MYO10: variants seen among roughly 807,000 people sequenced by gnomAD.
MYO10 encodes the protein unconventional myosin-X.
A neutral mutation model predicts 257.3 loss-of-function variants in MYO10; 133 were observed. The ratio of observed to expected loss-of-function variants is 0.52; its 90% confidence interval spans 0.45 to 0.60. The LOEUF (loss-of-function observed/expected upper bound fraction) is 0.60, where lower values mean the gene tolerates loss of function less well. Ranked by LOEUF, MYO10 falls within the 20% of genes least tolerant of loss-of-function variation. MYO10 has a pLI of 0.00. For missense variants in MYO10, 2,399 were observed against 2,635.7 expected, an observed-to-expected ratio of 0.91 and a Z score of 1.97; for synonymous variants, 1,104 against 1,028.6, an observed-to-expected ratio of 1.07 and a Z score of -1.40.
At chr5:16,676,749 G>A (rs1736743259) in intron 33 of MYO10, among the ~76,000 whole-genome samples, 1 of 152,180 alleles carries the variant, frequency 6.6e-6, no homozygotes, top group African/African-American at 2.4e-5. Flanking sequence ...AGTGGCTCAT[G>A]CCTGTGCATT....
intron 27 of MYO10, among the ~76,000 whole-genome samples, chr5:16,692,717 T>C (rs564884433): frequency 6.6e-6 from 1 of 152,176 alleles, no homozygotes; most frequent in African/African-American, 2.4e-5. Context: ...TGGTTTATTA[T>C]ATTCTTCCAC....
intron 1 of MYO10, among the ~76,000 whole-genome samples, chr5:16,929,647 A>C (rs1746242803): frequency 6.6e-6 from 1 of 152,186 alleles, no homozygotes; most frequent in African/African-American, 2.4e-5. Context: ...TAAATGAGTC[A>C]CTAAATGTGA....
chr5:16,699,644 T>C, intron 25 of MYO10, 71 bp from the exon 26 acceptor site: 5 of 1,594,114 alleles, frequency 3.1e-6, no homozygotes, highest in African/African-American at 1.3e-5. Context: ...ACCCAGCATG[T>C]ATCATCATTG....
intron 2 of MYO10, among the ~76,000 whole-genome samples, chr5:16,821,452 T>C (rs1367479115): frequency 1.2e-4 from 1 of 8,682 alleles, no homozygotes; most frequent in Non-Finnish European, 3.6e-4. Context: ...TCTTTTTTTT[T>C]TTTTTTTTTT....
chr5:16,877,204 A>T (rs1025713426), intron 2 of MYO10, among the ~76,000 whole-genome samples: 2 of 152,238 alleles, frequency 1.3e-5, no homozygotes, highest in Non-Finnish European at 2.9e-5. Context: ...ACTGACTAAG[A>T]CACTACGAAA....
intron 3 of MYO10, among the ~76,000 whole-genome samples, chr5:16,810,102 A>G (rs1039356483): frequency 5.9e-5 from 9 of 152,154 alleles, no homozygotes; most frequent in African/African-American, 2.2e-4. Flanking sequence ...CCTTCGGTGC[A>G]ACAGAAACCT....
chr5:16,774,891 A>C lies in MYO10; in HGVS notation c.930+4654T>G, dbSNP rs189356203. ...TTTTAATAAAATCTGACTCATGACAAATGAATTCACGCATGCGTACACAAG... is the reference window on the plus strand; with the variant it reads ...TTTTAATAAAATCTGACTCATGACACATGAATTCACGCATGCGTACACAAG... On this transcript the variant is annotated intron_variant, in intron 9 of 40. Transcript: ENST00000513610. Among the ~76,000 whole-genome samples the C allele has an allele frequency of 1.3e-3, 204 of 152,316 alleles. 1 individual carries two copies. Among genetic ancestry groups the C allele is most frequent in the Middle Eastern group, 0.01 (3 of 294 alleles).
At chr5:16,898,690 T>TGAGC (rs911415449) in intron 1 of MYO10, among the ~76,000 whole-genome samples, 8 of 151,676 alleles carry the variant, frequency 5.3e-5, no homozygotes, top group Non-Finnish European at 1.0e-4. Context: ...ATTACAGGTG[T>TGAGC]GAGCCACCAT....
chr5:16,815,473 A>T (rs973788939), intron 3 of MYO10: 39 of 696,952 alleles, frequency 5.6e-5, no homozygotes, highest in Middle Eastern at 2.3e-4. Flanking sequence ...CCTACAAGAG[A>T]CATACACCAA....
chr5:16,710,676 T>C (rs1738558338), intron 21 of MYO10: 1 of 558,902 alleles, frequency 1.8e-6, no homozygotes, highest in Non-Finnish European at 3.2e-6. Context: ...TAGGATGAGA[T>C]GTTTCAATGT....
chr5:16,819,218 A>G (rs941971092), intron 2 of MYO10, among the ~76,000 whole-genome samples: 9 of 152,156 alleles, frequency 5.9e-5, no homozygotes, highest in African/African-American at 2.2e-4. Flanking sequence ...TTGTTTGCTC[A>G]AGAACCTATC....
intron 2 of MYO10, among the ~76,000 whole-genome samples, chr5:16,837,202 T>C (rs761142038): frequency 1.3e-5 from 2 of 151,848 alleles, no homozygotes; most frequent in Admixed American, 1.3e-4. Flanking sequence ...CCCAGCTACT[T>C]GGGAGGCTGA....
intron 27 of MYO10, among the ~76,000 whole-genome samples, chr5:16,690,817 A>C (rs1030438170): frequency 6.6e-6 from 1 of 151,986 alleles, no homozygotes; most frequent in Non-Finnish European, 1.5e-5. Context: ...TCTCATCTGC[A>C]ACCCTCCCTA....
intron 1 of MYO10, among the ~76,000 whole-genome samples, chr5:16,878,416 G>C (rs928440746): frequency 6.6e-6 from 1 of 152,124 alleles, no homozygotes; most frequent in Non-Finnish European, 1.5e-5. Context: ...TTAAAAGATG[G>C]CAACTTCCAG....
At chr5:16,676,204 A>G (rs547242905) in intron 33 of MYO10, 50 bp from the exon 34 acceptor site, 14 of 1,596,876 alleles carry the variant, frequency 8.8e-6, no homozygotes, top group Middle Eastern at 1.9e-4. Context: ...ATTTTCCTAC[A>G]TATAAATATT....
intron 2 of MYO10, among the ~76,000 whole-genome samples, chr5:16,875,176 T>C (rs1272855551): frequency 6.6e-6 from 1 of 152,100 alleles, no homozygotes; most frequent in Non-Finnish European, 1.5e-5. Flanking sequence ...CCATATCAAG[T>C]GCCATGAAAA....
At chr5:16,776,302 T>C (rs3736148) in intron 9 of MYO10, among the ~76,000 whole-genome samples, 78,142 of 151,882 alleles carry the variant, frequency 0.51, 20,785 homozygotes, top group Non-Finnish European at 0.6. Flanking sequence ...ACTTTTTTTT[T>C]TCTTTTTCTT....
chr5:16,770,997 A>G (rs1023029142), intron 9 of MYO10, among the ~76,000 whole-genome samples: 2 of 152,158 alleles, frequency 1.3e-5, no homozygotes, highest in Non-Finnish European at 2.9e-5. Flanking sequence ...CGAACTCCCA[A>G]CCTCAAGTGA....
chr5:16,896,709 C>T (rs1396840438), intron 1 of MYO10, among the ~76,000 whole-genome samples: 1 of 152,176 alleles, frequency 6.6e-6, no homozygotes, highest in Non-Finnish European at 1.5e-5. Context: ...AGTGGAATGA[C>T]AGGAGCTGGA....
Sources: gnomAD v4.1 joint callset for allele counts (sites outside exome capture counted in the v4.1 genomes callset) on GRCh38, gnomAD v4.1.1 for gene constraint, MANE v1.5 for transcripts, NCBI Gene and HGNC (gene_info 2026-07-23, HGNC 2026-07-21) for gene names.